MBNL2: variants seen among roughly 807,000 people sequenced by gnomAD.
MBNL2 encodes muscleblind like splicing regulator 2, also known as muscleblind-like protein 2.
In MBNL2, 17 loss-of-function variants were observed where a neutral mutation model predicts 41.9. That is an observed-to-expected ratio of 0.41 (90% CI 0.28 to 0.61). The LOEUF is 0.61. MBNL2 is among the 20% of genes least tolerant of loss of function. The pLI is 0.35. For missense variants in MBNL2, 336 were observed against 505.6 expected, an observed-to-expected ratio of 0.66 and a Z score of 3.22; for synonymous variants, 195 against 182.9, an observed-to-expected ratio of 1.07 and a Z score of -0.53.
intron 8 of MBNL2, among the ~76,000 whole-genome samples, chr13:97,375,665 C>G (rs2064896653): frequency 6.6e-6 from 1 of 152,234 alleles, no homozygotes; most frequent in South Asian, 2.1e-4. Flanking sequence ...TGTTTGGTCA[C>G]AGCTCCAGTA....
chr13:97,205,117 G>A, the MBNL2 span, among the ~76,000 whole-genome samples: 11 of 150,332 alleles, frequency 7.3e-5, no homozygotes, highest in Non-Finnish European at 1.5e-4. Context: ...GTTGCAGTGA[G>A]CTGAGATTGC....
chr13:97,272,883 G>A (rs890327099), intron 1 of MBNL2, among the ~76,000 whole-genome samples: 4 of 152,172 alleles, frequency 2.6e-5, no homozygotes, highest in African/African-American at 9.7e-5. Context: ...CTGATCATCT[G>A]AATTCTGGTG....
At chr13:97,214,739 G>GA in the MBNL2 span, among the ~76,000 whole-genome samples, 1 of 152,328 alleles carries the variant, frequency 6.6e-6, no homozygotes, top group Non-Finnish European at 1.5e-5. Flanking sequence ...AGGAGGTGGA[G>GA]AAGGGGCTGA....
At chr13:97,247,515 G>GCTTCATTT (rs1487091049) in intron 1 of MBNL2, among the ~76,000 whole-genome samples, 1 of 152,154 alleles carries the variant, frequency 6.6e-6, no homozygotes, top group Non-Finnish European at 1.5e-5. Context: ...CTTAGGGTTG[G>GCTTCATTT]CTTCATTTCT....
chr13:97,332,561 G>C (rs576613169), intron 2 of MBNL2, among the ~76,000 whole-genome samples: 1 of 152,302 alleles, frequency 6.6e-6, no homozygotes, highest in South Asian at 2.1e-4. Context: ...AAAGCAAAGA[G>C]ATTTAGGATT....
chr13:97,223,070 AG>A (rs2041057559), intron 1 of MBNL2, among the ~76,000 whole-genome samples: 1 of 152,232 alleles, frequency 6.6e-6, no homozygotes, highest in Non-Finnish European at 1.5e-5. Flanking sequence ...CAACCTAGCA[AG>A]AGGTAGCTTT....
intron 2 of MBNL2, among the ~76,000 whole-genome samples, chr13:97,301,244 C>A (rs940209457): frequency 2.0e-5 from 3 of 152,166 alleles, no homozygotes; most frequent in Non-Finnish European, 4.4e-5. Flanking sequence ...CTGTGCCAGG[C>A]ATTTTGCCTG....
rs185598978 is a variant in MBNL2, at chr13:97,392,558, T to C, written c.*1109T>C. ...TATAAAAAACTTTAATACAAGTACA[T>C]ACATATTATATATACACATACATAT... On this transcript the variant is annotated 3_prime_UTR_variant, in exon 9 of 9. Transcript: ENST00000679496. The C allele has an allele frequency of 1.3e-3, 194 of 152,476 alleles. 1 individual carries two copies. The highest frequency in any genetic ancestry group is 4.3e-3 in the African/African-American group (178 of 41,546). 9.4% of individuals were successfully genotyped at this position (152,476 alleles called of 1,614,324 possible). A position where few individuals can be genotyped will look rare whatever the true frequency, so the allele number is the denominator to read the frequency against.
the MBNL2 span, among the ~76,000 whole-genome samples, chr13:97,192,254 A>T: frequency 2.0e-4 from 30 of 152,236 alleles, no homozygotes; most frequent in Non-Finnish European, 4.4e-4. Context: ...AAAATGTACC[A>T]GCTATTTAAT....
At chr13:97,187,623 AGAG>A in the MBNL2 span, among the ~76,000 whole-genome samples, 1 of 135,188 alleles carries the variant, frequency 7.4e-6, no homozygotes, top group African/African-American at 2.9e-5. Context: ...AAAAAAAAAA[AGAG>A]GCCGGGCGCG....
At chr13:97,329,168 C>T (rs1338180283) in intron 2 of MBNL2, among the ~76,000 whole-genome samples, 1 of 152,060 alleles carries the variant, frequency 6.6e-6, no homozygotes, top group East Asian at 1.9e-4. Context: ...ATTAATTCAG[C>T]TTGAGGTTCG....
At chr13:97,228,750 G>A (rs891410440) in intron 1 of MBNL2, among the ~76,000 whole-genome samples, 9 of 151,604 alleles carry the variant, frequency 5.9e-5, no homozygotes, top group Admixed American at 2.0e-4. Flanking sequence ...GGGTAGTCTC[G>A]AACTCCTGAC....
the MBNL2 span, among the ~76,000 whole-genome samples, chr13:97,194,022 C>T: frequency 6.6e-6 from 1 of 152,214 alleles, no homozygotes; most frequent in South Asian, 2.1e-4. Flanking sequence ...ACATTCTTCA[C>T]TCGACTTTGT....
At chr13:97,145,161 A>G in the MBNL2 span, among the ~76,000 whole-genome samples, 1,529 of 152,288 alleles carry the variant, frequency 0.01, 20 homozygotes, top group African/African-American at 0.019. Context: ...GGGTCCCTGA[A>G]CAACTCCAAT....
intron 1 of MBNL2, among the ~76,000 whole-genome samples, chr13:97,228,369 A>G (rs1041865835): frequency 1.3e-5 from 2 of 151,912 alleles, no homozygotes; most frequent in African/African-American, 4.8e-5. Flanking sequence ...TCATTTGCAG[A>G]AAAAAAAGCT....
At chr13:97,257,109 C>G (rs1223182941) in intron 1 of MBNL2, among the ~76,000 whole-genome samples, 3 of 151,840 alleles carry the variant, frequency 2.0e-5, no homozygotes, top group Admixed American at 1.3e-4. Context: ...AATAGGTAAC[C>G]CTGTGATAAT....
At position 97,357,553 on chromosome 13, in the gene MBNL2, G is replaced by T. The variant is rs140597546; in HGVS notation, c.930G>T (p.Ala310=). The change falls in exon 7 of 9, where the codon GCG becomes GCT. Residue 310 remains alanine (A), a synonymous_variant. Transcript: ENST00000679496. ...QALEKSNGTS[A]VFNPSVLHYQ... is the part of the protein sequence containing the mutation. ...TTGAAAAAAGCAATGGTACCAGCGC[G>T]GTCTTTAACCCCAGCGTCTTGCACT... 1.2e-6 allele frequency: 2 copies of T among 1,613,942 alleles called. No individual in the cohort carries two copies.
At chr13:97,316,601 G>A (rs984332260) in intron 2 of MBNL2, among the ~76,000 whole-genome samples, 3 of 152,098 alleles carry the variant, frequency 2.0e-5, no homozygotes, top group African/African-American at 7.2e-5. Flanking sequence ...GCGTCCTCCC[G>A]AGCCCTTAGT....
intron 3 of MBNL2, among the ~76,000 whole-genome samples, chr13:97,338,734 G>A (rs2061110923): frequency 6.6e-6 from 1 of 152,206 alleles, no homozygotes; most frequent in Non-Finnish European, 1.5e-5. Context: ...AACCACGAGG[G>A]ACAAGTCTTG....
Sources: gnomAD v4.1 joint callset for allele counts (sites outside exome capture counted in the v4.1 genomes callset) on GRCh38, gnomAD v4.1.1 for gene constraint, MANE v1.5 for transcripts, NCBI Gene and HGNC (gene_info 2026-07-23, HGNC 2026-07-21) for gene names.